NKIRAS1: variants seen among roughly 807,000 people sequenced by gnomAD.
NKIRAS1 encodes NF-kappa-B inhibitor-interacting Ras-like protein 1.
NKIRAS1 carries 16 observed loss-of-function variants against 19.8 expected under a neutral mutation model. The observed-to-expected ratio is 0.81, with a 90% CI of 0.55 to 1.23. The LOEUF (loss-of-function observed/expected upper bound fraction) is 1.23. NKIRAS1 is among the 50% of genes most tolerant of loss of function. NKIRAS1 has a pLI of 0.00. For synonymous variants in NKIRAS1, 88 were observed against 79.0 expected (o/e 1.11, Z -0.61); for missense variants, 184 against 220.0 (o/e 0.84, Z 1.04).
At chr3:23,946,339 A>C in exon 1 of NKIRAS1, 1 of 974,000 alleles carries the variant, frequency 1.0e-6, no homozygotes, top group Non-Finnish European at 1.2e-6. Flanking sequence ...GATTCCGAGG[A>C]GGAAGTGCAG....
At chr3:23,946,408 A>AGGCGCCT in exon 1 of NKIRAS1, 1 of 574,328 alleles carries the variant, frequency 1.7e-6, no homozygotes, top group Non-Finnish European at 2.2e-6. Context: ...GGCTTTCCCG[A>AGGCGCCT]AGGGATACGC....
chr3:23,933,578 A>C (rs1705349077), intron 1 of NKIRAS1, among the ~76,000 whole-genome samples: 1 of 152,172 alleles, frequency 6.6e-6, no homozygotes, highest in African/African-American at 2.4e-5. Flanking sequence ...CTTATATCAC[A>C]TATGGGGTTT....
Position 23,926,943 on chromosome 3 carries a change from A to G in NKIRAS1, c.-139-15493T>C, listed in dbSNP as rs991031848. On this transcript the variant is annotated intron_variant, in intron 1 of 4. Coordinates refer to the NKIRAS1 transcript ENST00000421515. This position sits in a 1 kb window ranked among gnomAD's most constrained non-coding sequence, Gnocchi z 4.3. ...TACCAATAGGGGGTGACATGCACCA[A>G]CAAGCTACACTTTGACCATCAGCTG... 2.0e-5 allele frequency among the ~76,000 whole-genome samples: 3 copies of G among 152,202 alleles called. No homozygotes were observed. Among genetic ancestry groups the G allele is most frequent in the Non-Finnish European group, 4.4e-5 (3 of 68,046 alleles).
At chr3:23,907,887 T>C (rs535915846) in intron 3 of NKIRAS1, among the ~76,000 whole-genome samples, 32 of 152,194 alleles carry the variant, frequency 2.1e-4, no homozygotes, top group Non-Finnish European at 3.8e-4. Context: ...GTGTTTTAAA[T>C]TGCAAGCTGA....
chr3:23,930,749 C>T (rs1705300498), intron 1 of NKIRAS1, among the ~76,000 whole-genome samples: 1 of 152,270 alleles, frequency 6.6e-6, no homozygotes, highest in South Asian at 2.1e-4. Flanking sequence ...CACCCAGGCA[C>T]AATTGTGCAG....
chr3:23,933,232 A>G (rs1705344836), intron 1 of NKIRAS1, among the ~76,000 whole-genome samples: 1 of 152,204 alleles, frequency 6.6e-6, no homozygotes, highest in African/African-American at 2.4e-5. Context: ...TGCTGTCTGC[A>G]TTTGTCATTT....
At chr3:23,897,679 C>T (rs1373028094) in intron 4 of NKIRAS1, among the ~76,000 whole-genome samples, 1 of 152,182 alleles carries the variant, frequency 6.6e-6, no homozygotes, top group Non-Finnish European at 1.5e-5. Flanking sequence ...CTCTTCCTTC[C>T]AGACATCAGC....
chr3:23,946,137 G>A (rs1212392813), intron 1 of NKIRAS1: 4 of 985,056 alleles, frequency 4.1e-6, no homozygotes, highest in Admixed American at 6.1e-5. Flanking sequence ...TCCCCCGCGG[G>A]GTTGCACACT....
intron 1 of NKIRAS1, among the ~76,000 whole-genome samples, chr3:23,935,156 A>C (rs1199573094): frequency 6.6e-6 from 1 of 152,128 alleles, no homozygotes; most frequent in African/African-American, 2.4e-5. Context: ...GGTAAAAAAG[A>C]AGCAGAAACC....
At chr3:23,919,333 G>A (rs756131448), upstream of NKIRAS1, 4 of 1,603,214 alleles carry the variant, frequency 2.5e-6, no homozygotes, top group South Asian at 4.4e-5. Context: ...CTGACACCCA[G>A]TGGATCACCA....
rs1224179690 is a variant in NKIRAS1, at chr3:23,927,731, T to C, written c.-139-16281A>G. 6.6e-6 allele frequency among the ~76,000 whole-genome samples: 1 copy of C among 152,132 alleles called. No homozygotes were observed. Among genetic ancestry groups the C allele is most frequent in the Non-Finnish European group, 1.5e-5 (1 of 68,040 alleles). On this transcript the variant is annotated intron_variant, in intron 1 of 4. Coordinates refer to the NKIRAS1 transcript ENST00000421515. This position sits in a 1 kb window ranked among gnomAD's most constrained non-coding sequence, Gnocchi z 4.0. ...AAACATACTATTTAGCTTCCCGAGG[T>C]TGATTATTAACTAAGCTAGGATGTT...
intron 1 of NKIRAS1, among the ~76,000 whole-genome samples, chr3:23,930,722 ACAGGGTCGTACTCTGTCACC>A: frequency 6.6e-6 from 1 of 152,322 alleles, no homozygotes; most frequent in Non-Finnish European, 1.5e-5. Flanking sequence ...ATTTTCTGAG[ACAGGGTCGTACTCTGTCACC>A]CAGGCACAAT....
At chr3:23,914,414 T>C (rs1358920233) in intron 1 of NKIRAS1, among the ~76,000 whole-genome samples, 1 of 152,220 alleles carries the variant, frequency 6.6e-6, no homozygotes, top group African/African-American at 2.4e-5. Flanking sequence ...CTAAAAATAC[T>C]GTCATGTGGG....
intron 1 of NKIRAS1, chr3:23,946,040 C>A: frequency 1.1e-6 from 1 of 937,610 alleles, no homozygotes; most frequent in Non-Finnish European, 1.3e-6. Context: ...GGCGCGCGCG[C>A]GCGCGCTGGC....
intron 1 of NKIRAS1, among the ~76,000 whole-genome samples, chr3:23,941,560 C>T (rs576031821): frequency 5.9e-5 from 9 of 151,950 alleles, no homozygotes; most frequent in South Asian, 2.1e-4. Flanking sequence ...ACAGACTAAG[C>T]CATAGACACC....
chr3:23,928,531 G>GA (rs1296401729), intron 1 of NKIRAS1, among the ~76,000 whole-genome samples: 1 of 151,542 alleles, frequency 6.6e-6, no homozygotes, highest in East Asian at 1.9e-4. Flanking sequence ...TTTTTTCCTA[G>GA]AAACACTGTA....
intron 1 of NKIRAS1, chr3:23,946,191 G>A (rs1705697511): frequency 4.1e-6 from 4 of 985,264 alleles, no homozygotes; most frequent in Non-Finnish European, 4.8e-6. Context: ...CCCCGCGGCG[G>A]GGCGTCCCCG....
At chr3:23,932,884 T>A (rs572550116) in intron 1 of NKIRAS1, among the ~76,000 whole-genome samples, 76 of 152,206 alleles carry the variant, frequency 5.0e-4, no homozygotes, top group African/African-American at 1.8e-3. Flanking sequence ...TCACTCCATA[T>A]GTATTTGTGG....
At chr3:23,928,811 G>A (rs1705255961) in intron 1 of NKIRAS1, among the ~76,000 whole-genome samples, 1 of 151,580 alleles carries the variant, frequency 6.6e-6, no homozygotes, top group Non-Finnish European at 1.5e-5. Flanking sequence ...AGGCAACACG[G>A]TGAAGCCCCG....
Sources: allele counts gnomAD v4.1 joint callset (sites outside exome capture counted in the v4.1 genomes callset), GRCh38; gene constraint gnomAD v4.1.1; non-coding constraint Gnocchi (gnomAD v3.1); transcripts MANE v1.5; gene names NCBI Gene and HGNC (gene_info 2026-07-23, HGNC 2026-07-21).